The following OTUD4 variants were observed in gnomAD, a reference collection of about 807,000 sequenced individuals.
OTUD4 encodes the protein OTU deubiquitinase 4, also known as OTU domain-containing protein 4.
Under a neutral mutation model 130.4 loss-of-function variants are expected in OTUD4, and 24 were observed. That is an observed-to-expected ratio of 0.18 (90% CI 0.13 to 0.26). The LOEUF is 0.26. Ranked by LOEUF, OTUD4 falls within the 10% of genes least tolerant of loss-of-function variation. The pLI is 1.00. For synonymous variants in OTUD4, 420 were observed against 472.5 expected (o/e 0.89, Z 1.44); for missense variants, 1,031 against 1,329.4 (o/e 0.78, Z 3.49).
Position 145,164,243 on chromosome 4 carries a change from G to T in OTUD4, c.342-17C>A. ...AAATCTTTCCTGAAAATAACAATTA[G>T]AAATTATTTATAATGGACTATACTT... On this transcript the variant is annotated splice_polypyrimidine_tract_variant and intron_variant, in intron 4 of 20. Transcript: ENST00000447906. 8.9e-7 allele frequency: 1 copy of T among 1,117,558 alleles called. No individual in the cohort carries two copies. Among genetic ancestry groups the T allele is most frequent in the Non-Finnish European group, 1.3e-6 (1 of 764,002 alleles). 69.2% of individuals were successfully genotyped at this position (1,117,558 alleles called of 1,614,324 possible).
intron 3 of OTUD4, among the ~76,000 whole-genome samples, chr4:145,165,677 A>G (rs1252906390): frequency 6.6e-6 from 1 of 151,656 alleles, no homozygotes; most frequent in Non-Finnish European, 1.5e-5. Flanking sequence ...GGGTTTCTCT[A>G]TGTTGGTCAG....
In OTUD4 at chr4:145,134,795, G is replaced by C. The variant is rs1750158278; in HGVS notation, c.*2635C>G. 2 of 398,832 alleles carry C rather than the reference G, an allele frequency of 5.0e-6. No individual in the cohort carries two copies. Among genetic ancestry groups the C allele is most frequent in the African/African-American group, 4.1e-5 (2 of 48,612 alleles). 24.7% of individuals were successfully genotyped at this position (398,832 alleles called of 1,614,324 possible). A position where few individuals can be genotyped will look rare whatever the true frequency, so the allele number is the denominator to read the frequency against. The stretch of plus-strand genomic sequence containing the variant: ...ATACACAACACCAAAGGGAAAAGGG[G>C]GCTGGAATCAAGTTCAGCCAAAGCA... On this transcript the variant is annotated 3_prime_UTR_variant, in exon 21 of 21. Coordinates refer to ENST00000447906, the MANE Select transcript of OTUD4 (RefSeq NM_001366057.1).
At chr4:145,141,271 G>A in intron 19 of OTUD4, 108 bp downstream of exon 19, 2 of 775,856 alleles carry the variant, frequency 2.6e-6, no homozygotes, top group Admixed American at 4.0e-5. Context: ...TCCCATCCTT[G>A]AGCTTACTAA....
intron 1 of OTUD4, 31 bp downstream of exon 1, chr4:145,179,784 C>A: frequency 7.1e-7 from 1 of 1,417,496 alleles, no homozygotes; most frequent in Non-Finnish European, 9.4e-7. Flanking sequence ...CCCGCCTCCC[C>A]TCGAAGCCCT....
chr4:145,163,678 T>C (rs1380060986), intron 5 of OTUD4, among the ~76,000 whole-genome samples: 2 of 150,638 alleles, frequency 1.3e-5, no homozygotes, highest in Non-Finnish European at 1.5e-5. Context: ...CAAAATAATA[T>C]GACTAAGTGA....
chr4:145,160,507 G>A (rs913451505), intron 6 of OTUD4, among the ~76,000 whole-genome samples: 3 of 152,132 alleles, frequency 2.0e-5, no homozygotes, highest in African/African-American at 7.2e-5. Context: ...AGAAAACAAT[G>A]TACTAAGAAT....
intron 14 of OTUD4, among the ~76,000 whole-genome samples, chr4:145,144,708 C>A (rs1436934871): frequency 6.6e-6 from 1 of 152,124 alleles, no homozygotes; most frequent in East Asian, 1.9e-4. Flanking sequence ...CAGGAAGCCA[C>A]CCTGAACAAA....
intron 7 of OTUD4, among the ~76,000 whole-genome samples, chr4:145,156,641 C>G (rs946404540): frequency 1.3e-5 from 2 of 151,814 alleles, no homozygotes; most frequent in Non-Finnish European, 2.9e-5. Flanking sequence ...TGTGATCACA[C>G]CACTGCACTC....
At chr4:145,141,735 A>C in intron 18 of OTUD4, 96 bp from the exon 19 acceptor site, 1 of 1,116,408 alleles carries the variant, frequency 9.0e-7, no homozygotes, top group Non-Finnish European at 1.2e-6. Context: ...ATAACTGATA[A>C]AGCCAATCTA....
chr4:145,156,073 C>G, intron 7 of OTUD4, 77 bp from the exon 8 acceptor site: 1 of 1,153,560 alleles, frequency 8.7e-7, no homozygotes. Context: ...ATCTAAACGT[C>G]TTCAAAGTCA....
intron 13 of OTUD4, among the ~76,000 whole-genome samples, chr4:145,147,011 A>G (rs1750857203): frequency 1.3e-5 from 2 of 152,214 alleles, no homozygotes; most frequent in Admixed American, 6.5e-5. Flanking sequence ...CTGTCATTTC[A>G]ACATAATTTT....
chr4:145,163,919 G>C (rs1751718062), intron 5 of OTUD4, among the ~76,000 whole-genome samples: 1 of 151,950 alleles, frequency 6.6e-6, no homozygotes, highest in African/African-American at 2.4e-5. Context: ...TGTTGGTCAG[G>C]CTGGTCTCAA....
intron 6 of OTUD4, 92 bp from the exon 7 acceptor site, chr4:145,159,727 T>A: frequency 1.6e-6 from 2 of 1,221,270 alleles, no homozygotes; most frequent in Non-Finnish European, 2.3e-6. Flanking sequence ...TTTCTATTGC[T>A]CAGGCTTTTA....
At chr4:145,144,549 C>T (rs1750732411) in intron 14 of OTUD4, 115 bp from the exon 15 acceptor site, 2 of 1,010,932 alleles carry the variant, frequency 2.0e-6, no homozygotes, top group South Asian at 2.8e-5. Context: ...ATTCACAGCC[C>T]TGTATTTTTA....
rs889809667 is a variant in OTUD4, at chr4:145,134,389, A to G, written c.*3041T>C. The G allele has an allele frequency of 3.9e-6, 1 of 254,854 alleles. No homozygotes were observed. Among genetic ancestry groups the G allele is most frequent in the Admixed American group, 5.4e-5 (1 of 18,438 alleles). The allele number at this position is 254,854 out of a possible 1,614,324, so 15.8% of individuals were successfully genotyped here. A position where few individuals can be genotyped will look rare whatever the true frequency, so the allele number is the denominator to read the frequency against. The stretch of plus-strand genomic sequence containing the variant: ...ATTTACCTCATCTAAAAATGAAGGT[A>G]AAACGAAAGAGGCAAAAATAAATAT... On this transcript the variant is annotated 3_prime_UTR_variant, in exon 21 of 21. Coordinates refer to ENST00000447906, the MANE Select transcript of OTUD4 (RefSeq NM_001366057.1).
At chr4:145,164,021 A>G (rs1035535640) in intron 5 of OTUD4, 133 bp downstream of exon 5, 2 of 543,388 alleles carry the variant, frequency 3.7e-6, no homozygotes, top group African/African-American at 4.0e-5. Flanking sequence ...GGAACTTTTA[A>G]GAAATCAGAA....
rs1050251167 is a variant in OTUD4 at position 145,134,360 on chromosome 4, A to G, written c.*3070T>C. ...GCTTAGTACCCTTAAGTAAAAGACAAAACATTTACCTCATCTAAAAATGAA... is the reference window on the plus strand; with the variant it reads ...GCTTAGTACCCTTAAGTAAAAGACAGAACATTTACCTCATCTAAAAATGAA... On this transcript the variant is annotated 3_prime_UTR_variant, in exon 21 of 21. Transcript: ENST00000447906. 9.5e-6 allele frequency: 2 copies of G among 209,634 alleles called. No homozygotes were observed. The highest frequency in any genetic ancestry group is 4.6e-5 in the African/African-American group (2 of 43,880). The allele number at this position is 209,634 out of a possible 1,614,324, so 13.0% of individuals were successfully genotyped here. A position where few individuals can be genotyped will look rare whatever the true frequency, so the allele number is the denominator to read the frequency against.
chr4:145,153,587 A>AAAAT (rs1317087371), intron 10 of OTUD4, among the ~76,000 whole-genome samples: 1 of 152,182 alleles, frequency 6.6e-6, no homozygotes, highest in Non-Finnish European at 1.5e-5. Context: ...TTTATCCCTA[A>AAAAT]AAATAGATCC....
At chr4:145,159,830 A>G (rs747098666) in intron 6 of OTUD4, among the ~76,000 whole-genome samples, 195 bp from the exon 7 acceptor site, 11 of 152,238 alleles carry the variant, frequency 7.2e-5, no homozygotes, top group Non-Finnish European at 1.2e-4. Flanking sequence ...CTGTAAGTGC[A>G]GTTAAGTAGT....
Sources: gnomAD v4.1 joint callset for allele counts (sites outside exome capture counted in the v4.1 genomes callset) on GRCh38, gnomAD v4.1.1 for gene constraint, MANE v1.5 for transcripts, NCBI Gene and HGNC (gene_info 2026-07-23, HGNC 2026-07-21) for gene names.